The following PDE1A variants were observed in gnomAD, a reference collection of about 807,000 sequenced individuals.
The protein encoded by PDE1A is dual specificity calcium/calmodulin-dependent 3',5'-cyclic nucleotide phosphodiesterase 1A.
Under a neutral mutation model 61.7 loss-of-function variants are expected in PDE1A, and 35 were observed. The observed-to-expected ratio is 0.57, with a 90% CI of 0.43 to 0.75. The LOEUF is 0.75. PDE1A is among the 30% of genes least tolerant of loss of function. The probability of loss-of-function intolerance (pLI) is 0.00; values close to 1 mark genes in which losing one functional copy is unlikely to be tolerated. For synonymous variants in PDE1A, 232 were observed against 213.2 expected (o/e 1.09, Z -0.77); for missense variants, 597 against 630.6 (o/e 0.95, Z 0.57).
intron 1 of PDE1A, among the ~76,000 whole-genome samples, chr2:182,336,204 G>A (rs1018340262): frequency 3.3e-5 from 5 of 152,166 alleles, no homozygotes; most frequent in African/African-American, 1.2e-4. Context: ...GTGGAAGACA[G>A]TATGGCGATT....
intron 1 of PDE1A, among the ~76,000 whole-genome samples, chr2:182,329,172 T>C (rs1339690879): frequency 1.3e-5 from 2 of 152,176 alleles, no homozygotes; most frequent in Admixed American, 6.5e-5. Context: ...AATGATTATA[T>C]ATGGCTGTAA....
At chr2:182,653,160 T>C in the PDE1A span, among the ~76,000 whole-genome samples, 4 of 152,164 alleles carry the variant, frequency 2.6e-5, no homozygotes, top group Non-Finnish European at 4.4e-5. Context: ...AGTGGGCACT[T>C]ACCATATTGC....
upstream of PDE1A, among the ~76,000 whole-genome samples, chr2:182,523,511 ATATACT>A (rs1359901271): frequency 1.3e-5 from 2 of 152,172 alleles, no homozygotes; most frequent in South Asian, 2.1e-4. Flanking sequence ...GCTATAGAAA[ATATACT>A]TATAAACAAT....
chr2:182,460,568 T>G (rs1460878088), intron 2 of PDE1A, among the ~76,000 whole-genome samples: 6 of 152,134 alleles, frequency 3.9e-5, no homozygotes, highest in Admixed American at 2.0e-4. Flanking sequence ...ACTTTAATAT[T>G]GCATTTGCCT....
intron 2 of PDE1A, among the ~76,000 whole-genome samples, chr2:182,448,872 C>T (rs949114995): frequency 4.6e-5 from 7 of 151,968 alleles, no homozygotes; most frequent in African/African-American, 7.2e-5. Context: ...TTGGTTCAGA[C>T]TCTATTTTCC....
chr2:182,336,627 G>T (rs766722380), intron 1 of PDE1A, among the ~76,000 whole-genome samples: 14 of 152,050 alleles, frequency 9.2e-5, no homozygotes, highest in Non-Finnish European at 1.3e-4. Flanking sequence ...AGCGGGTAGG[G>T]GGCTAGGGGA....
chr2:182,219,727 C>A (rs1688560301), intron 7 of PDE1A, among the ~76,000 whole-genome samples: 1 of 151,882 alleles, frequency 6.6e-6, no homozygotes, highest in Non-Finnish European at 1.5e-5. Flanking sequence ...ACTGGCCCTG[C>A]CACTGAATAT....
At chr2:182,446,589 A>T (rs971927710) in intron 2 of PDE1A, among the ~76,000 whole-genome samples, 4 of 152,178 alleles carry the variant, frequency 2.6e-5, no homozygotes, top group Non-Finnish European at 5.9e-5. Flanking sequence ...GCATGTATTC[A>T]GATTGAAAAT....
chr2:182,522,369 G>A, exon 2 of PDE1A: 3 of 1,613,316 alleles, frequency 1.9e-6, no homozygotes, highest in Non-Finnish European at 2.5e-6. Context: ...TGTGGCACTA[G>A]ACCCCATGAT....
At chr2:182,528,145 A>G (rs141595944), upstream of PDE1A, among the ~76,000 whole-genome samples, 217 of 152,274 alleles carry the variant, frequency 1.4e-3, 6 homozygotes, top group East Asian at 0.036. Flanking sequence ...GAGAGCTCAG[A>G]AGAAGACAGG....
chr2:182,194,874 G>T (rs1686005117), intron 10 of PDE1A, among the ~76,000 whole-genome samples: 1 of 125,432 alleles, frequency 8.0e-6, no homozygotes, highest in Non-Finnish European at 1.6e-5. Flanking sequence ...GCATTTTTCT[G>T]AAATATTCAC....
upstream of PDE1A, among the ~76,000 whole-genome samples, chr2:182,430,786 G>A (rs1336046003): frequency 1.5e-5 from 2 of 134,434 alleles, no homozygotes; most frequent in Non-Finnish European, 3.3e-5. Flanking sequence ...CATAAAAAAT[G>A]ATGAGTTCAT....
chr2:182,464,104 C>T (rs1275388370), intron 2 of PDE1A, among the ~76,000 whole-genome samples: 1 of 152,248 alleles, frequency 6.6e-6, no homozygotes, highest in African/African-American at 2.4e-5. Flanking sequence ...GTCACCTATA[C>T]CAAGCCATGC....
chr2:182,219,576 G>C (rs1280574084), intron 7 of PDE1A, among the ~76,000 whole-genome samples: 1 of 152,068 alleles, frequency 6.6e-6, no homozygotes, highest in Non-Finnish European at 1.5e-5. Context: ...TAGCAAGTTT[G>C]CTACCACTTA....
intron 2 of PDE1A, among the ~76,000 whole-genome samples, chr2:182,464,746 A>G (rs1686540340): frequency 6.6e-6 from 1 of 152,160 alleles, no homozygotes; most frequent in Non-Finnish European, 1.5e-5. Context: ...GTGAATAGAA[A>G]ATCACTGAAG....
chr2:182,289,821 T>C (rs1336999016), intron 1 of PDE1A, among the ~76,000 whole-genome samples: 1 of 152,078 alleles, frequency 6.6e-6, no homozygotes. Flanking sequence ...TTTAAATCAA[T>C]GTAAATAAAA....
chr2:182,587,693 C>A, the PDE1A span, among the ~76,000 whole-genome samples: 1 of 152,128 alleles, frequency 6.6e-6, no homozygotes, highest in Non-Finnish European at 1.5e-5. Context: ...ACTGACTTCC[C>A]CTTTCTTAGT....
intron 2 of PDE1A, among the ~76,000 whole-genome samples, chr2:182,257,211 ACTACC>A (rs1161848461): frequency 6.6e-6 from 1 of 152,130 alleles, no homozygotes; most frequent in Non-Finnish European, 1.5e-5. Flanking sequence ...CCTGTCTTTA[ACTACC>A]CTCCTGTTCC....
chr2:182,544,568 C>T, the PDE1A span, among the ~76,000 whole-genome samples: 1 of 152,298 alleles, frequency 6.6e-6, no homozygotes, highest in African/African-American at 2.4e-5. Flanking sequence ...CAAGGTCAGC[C>T]TAAAGGAAAG....
Sources: allele counts gnomAD v4.1 joint callset (sites outside exome capture counted in the v4.1 genomes callset), GRCh38; gene constraint gnomAD v4.1.1; transcripts MANE v1.5; gene names NCBI Gene and HGNC (gene_info 2026-07-23, HGNC 2026-07-21).